Variants in SLC26A8 observed in about 807,000 individuals in gnomAD.
SLC26A8 encodes the protein testis anion transporter 1.
SLC26A8 carries 70 observed loss-of-function variants against 105.0 expected under a neutral mutation model. That is an observed-to-expected ratio of 0.67 (90% confidence interval 0.55 to 0.81). SLC26A8 has a LOEUF of 0.81. Ranked by LOEUF, SLC26A8 falls within the 40% of genes least tolerant of loss-of-function variation. The probability of loss-of-function intolerance (pLI) is 0.00; values close to 1 mark genes in which losing one functional copy is unlikely to be tolerated. For missense variants in SLC26A8, 998 were observed against 1,181.8 expected (o/e 0.84, Z 2.28); for synonymous variants, 415 against 438.3 (o/e 0.95, Z 0.66).
intron 8 of SLC26A8, among the ~76,000 whole-genome samples, chr6:35,978,146 G>GAA (rs199662420): frequency 1.7e-4 from 11 of 65,740 alleles, no homozygotes; most frequent in African/African-American, 2.3e-4. Flanking sequence ...AGCACAAGAA[G>GAA]AAAAAAAAAA....
chr6:35,944,105 T>G lies in SLC26A8; in HGVS notation c.2708A>C (p.Gln903Pro). Residue 903 changes from glutamine to proline, a missense_variant, in exon 20 of 20, where the codon CAG becomes CCG. By Grantham distance (76) the Gln-to-Pro change is moderately conservative. Transcript: ENST00000490799. ...ETKTQTEMEPQPETEPEMEPN... is the reference protein window; with the variant it reads ...ETKTQTEMEPPPETEPEMEPN... ...CTCCATCTCAGGCTCAGTCTCAGGCTGGGGCTCCATCTCGGTCTGGGTCTT... is the reference window on the plus strand; with the variant it reads ...CTCCATCTCAGGCTCAGTCTCAGGCGGGGGCTCCATCTCGGTCTGGGTCTT... The G allele has an allele frequency of 6.2e-7, 1 of 1,614,028 alleles. No individual in the cohort carries two copies. Among genetic ancestry groups the G allele is most frequent in the Non-Finnish European group, 8.5e-7 (1 of 1,179,990 alleles).
chr6:36,021,115 A>G (rs1762116902), intron 1 of SLC26A8, among the ~76,000 whole-genome samples: 1 of 152,192 alleles, frequency 6.6e-6, no homozygotes, highest in South Asian at 2.1e-4. Context: ...TATATATTGT[A>G]TTTTTACCCT....
At chr6:36,020,468 A>T (rs1031610453) in intron 1 of SLC26A8, among the ~76,000 whole-genome samples, 6 of 152,132 alleles carry the variant, frequency 3.9e-5, no homozygotes, top group Non-Finnish European at 8.8e-5. Context: ...AATAGAAACA[A>T]AATTAGCTGG....
chr6:36,012,209 G>C (rs1329072475), intron 3 of SLC26A8, 24 bp downstream of exon 3: 3 of 1,607,982 alleles, frequency 1.9e-6, no homozygotes, highest in Non-Finnish European at 2.5e-6. Flanking sequence ...GTCTTTGGAT[G>C]AACAGGCTTC....
Position 35,959,449 on chromosome 6 carries a change from G to T in SLC26A8, c.1863+11C>A, listed in dbSNP as rs773196421. The T allele has an allele frequency of 6.3e-6, 10 of 1,591,000 alleles. No individual in the cohort carries two copies. The South Asian group carries it at 1.1e-4, about 18-fold the overall frequency. On this transcript the variant is annotated intron_variant, in intron 16 of 19. Transcript: ENST00000490799. ...TGGAGAAAAACATAGGAAAGAAAAGGCATTTCTAACCCTGGGCAGCGGCTC... is the reference window on the plus strand; with the variant it reads ...TGGAGAAAAACATAGGAAAGAAAAGTCATTTCTAACCCTGGGCAGCGGCTC...
At position 35,951,473 on chromosome 6, in the gene SLC26A8, G is replaced by A. The variant is rs1771870558; in HGVS notation, c.2259C>T (p.Asn753=). 5.6e-6 allele frequency: 9 copies of A among 1,614,170 alleles called. No homozygotes were observed. Among genetic ancestry groups the A allele is most frequent in the Non-Finnish European group, 5.9e-6 (7 of 1,180,034 alleles). ...GACACCCTGCAATGAGTATCAAAAT[G>A]TTGGCGTTTTGAAAGGCATTGCATA... ...RQICNAFQNA[N]ILILIAGCHS... The change falls in exon 18 of 20, where the codon AAC becomes AAT. Residue 753 remains asparagine (N), a synonymous_variant. Transcript: ENST00000490799.
chr6:35,957,539 G>A (rs1027358618), intron 16 of SLC26A8, among the ~76,000 whole-genome samples: 4 of 151,934 alleles, frequency 2.6e-5, no homozygotes, highest in African/African-American at 7.3e-5. Context: ...TGGGGAACAG[G>A]CCAGGGTTGG....
intron 9 of SLC26A8, among the ~76,000 whole-genome samples, chr6:35,976,779 C>A (rs1773055619): frequency 6.6e-6 from 1 of 151,898 alleles, no homozygotes. Flanking sequence ...CTCCTGACCT[C>A]GTGATCCACC....
chr6:35,996,487 G>T (rs1210315437), intron 5 of SLC26A8, among the ~76,000 whole-genome samples: 2 of 152,110 alleles, frequency 1.3e-5, no homozygotes, highest in African/African-American at 4.8e-5. Flanking sequence ...TTCCAGATCT[G>T]GCTCTAAAGC....
chr6:36,007,847 G>T (rs773433684), intron 3 of SLC26A8, among the ~76,000 whole-genome samples: 1 of 150,530 alleles, frequency 6.6e-6, no homozygotes, highest in Non-Finnish European at 1.5e-5. Flanking sequence ...GAGGCTGGGC[G>T]CGGTGGCTCA....
At chr6:35,965,378 AG>A (rs1772466743) in intron 11 of SLC26A8, among the ~76,000 whole-genome samples, 1 of 152,146 alleles carries the variant, frequency 6.6e-6, no homozygotes, top group Non-Finnish European at 1.5e-5. Flanking sequence ...ACTTTTAAGA[AG>A]CATTTTTGCT....
At position 35,975,403 on chromosome 6, in the gene SLC26A8, A is replaced by G. The variant is rs758471827; in HGVS notation, c.1259T>C (p.Ile420Thr). 3 of 1,612,214 alleles carry G rather than the reference A, an allele frequency of 1.9e-6. No homozygotes were observed. ...VFTGAIARTI[I>T]QDKSGGRQQF... ...TTGTCTTCCTCCAGATTTATCCTGG[A>G]TAATAGTCCTAGCAATAGCACCAGT... Residue 420 changes from isoleucine to threonine, a missense_variant, in exon 10 of 20, where the codon ATC (isoleucine) becomes ACC (threonine). By Grantham distance (89) the Ile-to-Thr change is moderately conservative. Transcript: ENST00000490799.
At chr6:36,021,580 G>C (rs1019366615) in intron 1 of SLC26A8, among the ~76,000 whole-genome samples, 11 of 152,134 alleles carry the variant, frequency 7.2e-5, no homozygotes, top group African/African-American at 2.7e-4. Flanking sequence ...GGAGTGGTGG[G>C]AACAGTGGGG....
intron 14 of SLC26A8, chr6:35,960,307 T>C (rs1333970707): frequency 6.2e-6 from 1 of 160,036 alleles, no homozygotes; most frequent in African/African-American, 2.4e-5. Flanking sequence ...CTCCTTAAAG[T>C]ACATTTACAA....
At chr6:36,009,283 A>C (rs1761779352) in intron 3 of SLC26A8, among the ~76,000 whole-genome samples, 1 of 152,080 alleles carries the variant, frequency 6.6e-6, no homozygotes, top group Non-Finnish European at 1.5e-5. Context: ...CCCGGGTGGC[A>C]GAGGTTGTAG....
chr6:36,007,521 T>C (rs1426673964), intron 3 of SLC26A8, among the ~76,000 whole-genome samples: 4 of 152,196 alleles, frequency 2.6e-5, no homozygotes, highest in African/African-American at 2.4e-5. Context: ...CAATTCTTCC[T>C]GAAATAATCT....
intron 10 of SLC26A8, among the ~76,000 whole-genome samples, chr6:35,971,055 C>A (rs1201328001): frequency 6.6e-6 from 1 of 151,718 alleles, no homozygotes; most frequent in Non-Finnish European, 1.5e-5. Flanking sequence ...ACAACAACAA[C>A]AAAAATCCTA....
In SLC26A8 at chr6:35,985,049, G is replaced by A. The variant is rs73405839; in HGVS notation, c.943-2846C>T. Among the ~76,000 whole-genome samples, 610 of 152,206 alleles carry A rather than the reference G, an allele frequency of 4.0e-3. 6 individuals are homozygous for A. The highest frequency in any genetic ancestry group is 0.013 in the African/African-American group (551 of 41,524). Reference sequence around the variant, plus strand: ...GCTTAGGTCTCCACAACCCCTTACCGTAACCCAGACATTCGTCTCTATTGA... The same window carrying A: ...GCTTAGGTCTCCACAACCCCTTACCATAACCCAGACATTCGTCTCTATTGA... On this transcript the variant is annotated intron_variant, in intron 7 of 19. Coordinates refer to ENST00000490799, the MANE Select transcript of SLC26A8 (RefSeq NM_052961.4).
chr6:35,984,709 C>T (rs1562045974), intron 7 of SLC26A8, among the ~76,000 whole-genome samples: 1 of 152,138 alleles, frequency 6.6e-6, no homozygotes, highest in Non-Finnish European at 1.5e-5. Context: ...TCACTTCTCT[C>T]CTTTCCTTAT....
Sources: gnomAD v4.1 joint callset for allele counts (sites outside exome capture counted in the v4.1 genomes callset) on GRCh38, gnomAD v4.1.1 for gene constraint, MANE v1.5 for transcripts, NCBI Gene and HGNC (gene_info 2026-07-23, HGNC 2026-07-21) for gene names.